Variants in SMAD2 observed in about 807,000 individuals in gnomAD.
The protein encoded by SMAD2 is SMAD family member 2.
SMAD2 carries 8 observed loss-of-function variants against 64.4 expected under a neutral mutation model. The observed-to-expected ratio is 0.12, with a 90% CI of 0.07 to 0.22. The LOEUF is 0.22. Among genes scored for constraint, SMAD2 ranks in the 10% least tolerant of loss-of-function variants. The pLI, the probability that SMAD2 is intolerant of heterozygous loss-of-function variation, is 1.00. For missense variants in SMAD2, 289 were observed against 561.2 expected (o/e 0.51, Z 4.90); for synonymous variants, 203 against 195.8 (o/e 1.04, Z -0.31).
In SMAD2 at chr18:47,833,169, G is replaced by A. The variant is rs1229447590; in HGVS notation, c.*8658C>T. On this transcript the variant is annotated 3_prime_UTR_variant, in exon 11 of 11. Transcript: ENST00000262160. ...TCCACCTTTCAACGGTGACAGGGCTGTTAACACAGGTAAGAGCAAACAAGG... is the reference window on the plus strand; with the variant it reads ...TCCACCTTTCAACGGTGACAGGGCTATTAACACAGGTAAGAGCAAACAAGG... The A allele has an allele frequency of 4.9e-6, 1 of 205,440 alleles. No individual in the cohort carries two copies. The highest frequency in any genetic ancestry group is 2.3e-5 in the African/African-American group (1 of 43,782). The allele number at this position is 205,440 out of a possible 1,614,324, so 12.7% of individuals were successfully genotyped here.
chr18:47,896,538 T>C lies in SMAD2; in HGVS notation c.219A>G (p.Lys73=), dbSNP rs2033446685. 1.2e-6 allele frequency: 2 copies of C among 1,613,986 alleles called. No individual in the cohort carries two copies. The highest frequency in any genetic ancestry group is 1.7e-6 in the Non-Finnish European group (2 of 1,179,846). The change falls in exon 2 of 11, where the codon AAA becomes AAG. Residue 73 remains lysine, a synonymous_variant. Coordinates refer to ENST00000262160, the MANE Select transcript of SMAD2 (RefSeq NM_005901.6). ...KAITTQNCNT[K]CVTIPSTCSE... is the part of the protein sequence containing the mutation. ...AAACTTACCTTGGTATGGTAACACA[T>C]TTAGTATTACAGTTTTGAGTGGTGA...
intron 6 of SMAD2, among the ~76,000 whole-genome samples, chr18:47,854,936 C>T (rs938505753): frequency 1.3e-4 from 20 of 152,096 alleles, no homozygotes; most frequent in Non-Finnish European, 2.2e-4. Flanking sequence ...TGTATAATGA[C>T]GTGTATCCAT....
At chr18:47,905,101 T>C (rs976995949) in intron 1 of SMAD2, among the ~76,000 whole-genome samples, 2 of 152,150 alleles carry the variant, frequency 1.3e-5, no homozygotes, top group East Asian at 3.9e-4. Flanking sequence ...ACTGTCTCCA[T>C]GGAAAAGTGC....
chr18:47,911,435 C>T (rs571618736), intron 1 of SMAD2, among the ~76,000 whole-genome samples: 51 of 152,142 alleles, frequency 3.4e-4, no homozygotes, highest in South Asian at 1.7e-3. Flanking sequence ...ATCAATGCAT[C>T]CTCAAGCTCA....
intron 6 of SMAD2, among the ~76,000 whole-genome samples, chr18:47,854,570 T>C (rs1238441816): frequency 6.6e-6 from 1 of 152,234 alleles, no homozygotes; most frequent in East Asian, 1.9e-4. Context: ...CTTTTTCTTC[T>C]TGATTTGTAA....
chr18:47,837,894 T>A lies in SMAD2; in HGVS notation c.*3933A>T. The A allele has an allele frequency of 4.3e-6, 1 of 232,836 alleles. No homozygotes were observed. Among genetic ancestry groups the A allele is most frequent in the Non-Finnish European group, 8.5e-6 (1 of 117,596 alleles). 14.4% of individuals were successfully genotyped at this position (232,836 alleles called of 1,614,324 possible). ...ACTGTACATGAAGACATATTTTATG[T>A]ACAGTGAAGATTGTCTTGTGTTACT... On this transcript the variant is annotated 3_prime_UTR_variant, in exon 11 of 11. Coordinates refer to ENST00000262160, the MANE Select transcript of SMAD2 (RefSeq NM_005901.6).
intron 2 of SMAD2, among the ~76,000 whole-genome samples, chr18:47,883,846 A>G (rs1218827523): frequency 6.6e-6 from 1 of 152,172 alleles, no homozygotes; most frequent in Non-Finnish European, 1.5e-5. Context: ...TTTGTGTTGA[A>G]TAAGAAATCC....
intron 3 of SMAD2, among the ~76,000 whole-genome samples, 166 bp from the exon 4 acceptor site, chr18:47,869,602 C>G (rs1002762185): frequency 2.6e-5 from 4 of 151,914 alleles, no homozygotes; most frequent in Admixed American, 1.3e-4. Context: ...TTTAATGGAT[C>G]TGATAAAAGT....
rs538304231 is a variant in SMAD2, at chr18:47,835,886, T to C, written c.*5941A>G. On this transcript the variant is annotated 3_prime_UTR_variant, in exon 11 of 11. Coordinates refer to ENST00000262160, the MANE Select transcript of SMAD2 (RefSeq NM_005901.6). Reference sequence around the variant, plus strand: ...TAAGAGCTGTTAACTGTTTGGAGGGTAAAAGAATACTTTTCTCGAAATTTT... The same window carrying C: ...TAAGAGCTGTTAACTGTTTGGAGGGCAAAAGAATACTTTTCTCGAAATTTT... 1.5e-5 allele frequency: 3 copies of C among 204,754 alleles called. No individual in the cohort carries two copies. The highest frequency in any genetic ancestry group is 1.5e-4 in the East Asian group (2 of 13,434). The allele number at this position is 204,754 out of a possible 1,614,324, so 12.7% of individuals were successfully genotyped here.
intron 1 of SMAD2, among the ~76,000 whole-genome samples, chr18:47,917,696 T>C (rs892361344): frequency 6.6e-6 from 1 of 152,186 alleles, no homozygotes; most frequent in African/African-American, 2.4e-5. Flanking sequence ...CATTGCATTG[T>C]AGATGAAAAC....
intron 5 of SMAD2, among the ~76,000 whole-genome samples, chr18:47,867,521 T>C (rs928284905): frequency 1.8e-4 from 28 of 151,968 alleles, no homozygotes; most frequent in African/African-American, 6.3e-4. Flanking sequence ...TAAAAGAATA[T>C]TACAAAAGGA....
chr18:47,895,318 G>A lies in SMAD2; in HGVS notation c.236+1203C>T, dbSNP rs1286415990. 3 of 152,192 alleles carry A rather than the reference G, an allele frequency of 2.0e-5. No individual in the cohort carries two copies. In the East Asian group the frequency reaches 5.8e-4, roughly 29 times the overall value. 9.4% of individuals were successfully genotyped at this position (152,192 alleles called of 1,614,324 possible). On this transcript the variant is annotated intron_variant, in intron 2 of 10. Coordinates refer to ENST00000262160, the MANE Select transcript of SMAD2 (RefSeq NM_005901.6). ...CTCTGCCTAGAAGACTCTTCCCTCA[G>A]TTGGCTGCTGCTTCTCCAAGCTCCA...
At position 47,817,468 on chromosome 18, in the gene SMAD2, A is replaced by C. The variant is rs924227827; in HGVS notation, c.*24359T>G. The C allele has an allele frequency of 1.3e-5, 2 of 152,128 alleles. No individual in the cohort carries two copies. Among genetic ancestry groups the C allele is most frequent in the Admixed American group, 6.5e-5 (1 of 15,270 alleles). 9.4% of individuals were successfully genotyped at this position (152,128 alleles called of 1,614,324 possible). On this transcript the variant is annotated 3_prime_UTR_variant, in exon 11 of 11. Coordinates refer to ENST00000262160, the MANE Select transcript of SMAD2 (RefSeq NM_005901.6). ...CTCTGGTTTGAGTACTCTGGATTTA[A>C]AAACAATTTTTTTTTAGAGACAGTG... is the stretch of plus-strand genomic sequence containing the variant.
rs1302446831 is a variant in SMAD2, at chr18:47,821,046, CCA to C, written c.*20779_*20780del. The C allele has an allele frequency of 1.3e-5, 2 of 151,988 alleles. No homozygotes were observed. The highest frequency in any genetic ancestry group is 2.9e-5 in the Non-Finnish European group (2 of 67,972). The allele number at this position is 151,988 out of a possible 1,614,324, so 9.4% of individuals were successfully genotyped here. A position where few individuals can be genotyped will look rare whatever the true frequency, so the allele number is the denominator to read the frequency against. On this transcript the variant is annotated 3_prime_UTR_variant, in exon 11 of 11. Coordinates refer to ENST00000262160, the MANE Select transcript of SMAD2 (RefSeq NM_005901.6). ...ATTCTAAAATCAGCCATCTTCTAAA[CCA>C]CAGTTTAAATTTCTGCCATATTTCC...
intron 1 of SMAD2, among the ~76,000 whole-genome samples, chr18:47,928,122 T>C (rs80101081): frequency 0.022 from 3,229 of 149,756 alleles, 34 homozygotes; most frequent in Non-Finnish European, 0.033. Context: ...AAAATGACTC[T>C]TTGTCCTAAG....
rs1168364392 is a variant in SMAD2 at position 47,850,817 on chromosome 18, T to TTA, written c.784+455_784+456dup. 7.9e-4 allele frequency among the ~76,000 whole-genome samples: 7 copies of TTA among 8,844 alleles called. 1 individual carries two copies. Among genetic ancestry groups the TTA allele is most frequent in the Non-Finnish European group, 1.6e-3 (7 of 4,364 alleles). 5.8% of individuals were successfully genotyped at this position (8,844 alleles called of 152,430 possible). On this transcript the variant is annotated intron_variant, in intron 7 of 10. Transcript: ENST00000262160. The stretch of plus-strand genomic sequence containing the variant: ...TATTATATATATTATGTATAATATA[T>TTA]TATATATTATATATATTATGTATAT...
chr18:47,906,046 C>T (rs964902521), intron 1 of SMAD2, among the ~76,000 whole-genome samples: 1 of 151,292 alleles, frequency 6.6e-6, no homozygotes, highest in East Asian at 1.9e-4. Flanking sequence ...CACAGGGGTG[C>T]GGAGGCTGCA....
intron 5 of SMAD2, chr18:47,866,739 T>C (rs908279661): frequency 1.3e-5 from 2 of 152,188 alleles, no homozygotes; most frequent in Non-Finnish European, 2.9e-5. Context: ...TGGAATAAAA[T>C]GTGAACCCTT....
intron 1 of SMAD2, among the ~76,000 whole-genome samples, chr18:47,913,627 C>T (rs1487428586): frequency 6.6e-6 from 1 of 152,032 alleles, no homozygotes; most frequent in Admixed American, 6.6e-5. Context: ...GCATTTTTAG[C>T]CAATATTTTT....
Sources: allele counts gnomAD v4.1 joint callset (sites outside exome capture counted in the v4.1 genomes callset), GRCh38; gene constraint gnomAD v4.1.1; transcripts MANE v1.5; gene names NCBI Gene and HGNC (gene_info 2026-07-23, HGNC 2026-07-21).